Variants in GOLGA5 observed in about 807,000 individuals in gnomAD.
GOLGA5 encodes the protein golgin A5.
Under a neutral mutation model 93.5 loss-of-function variants are expected in GOLGA5, and 50 were observed. The observed-to-expected ratio is 0.53, with a 90% CI of 0.43 to 0.68. GOLGA5 has a LOEUF of 0.68. Among genes scored for constraint, GOLGA5 ranks in the 30% least tolerant of loss-of-function variants. The pLI is 0.00. For missense variants in GOLGA5, 760 were observed against 856.4 expected (o/e 0.89, Z 1.40); for synonymous variants, 312 against 304.5 (o/e 1.02, Z -0.26).
intron 9 of GOLGA5, among the ~76,000 whole-genome samples, chr14:92,832,572 A>T (rs140138409): frequency 3.2e-3 from 484 of 152,358 alleles, no homozygotes; most frequent in Middle Eastern, 0.014. Context: ...CATCTTCACT[A>T]ACAGATGAGG....
chr14:92,811,886 C>T (rs1566955509), intron 6 of GOLGA5, 132 bp downstream of exon 6: 1 of 669,154 alleles, frequency 1.5e-6, no homozygotes, highest in Non-Finnish European at 2.6e-6. Flanking sequence ...GTGCCTTACT[C>T]TACTTTAGAA....
chr14:92,811,383 C>G lies in GOLGA5; in HGVS notation c.1117-168C>G, dbSNP rs541147860. The stretch of plus-strand genomic sequence containing the variant: ...GCATTGCCATGTTTGGGAGTTACAA[C>G]TTTACATTTCCTATACTTTAGCTCC... On this transcript the variant is annotated intron_variant, in intron 5 of 12. Transcript: ENST00000163416. Among the ~76,000 whole-genome samples, 126 of 152,274 alleles carry G rather than the reference C, an allele frequency of 8.3e-4. 1 individual carries two copies. The highest frequency in any genetic ancestry group is 1.3e-3 in the Non-Finnish European group (90 of 68,020).
At chr14:92,814,458 G>A (rs1338773329) in intron 6 of GOLGA5, among the ~76,000 whole-genome samples, 1 of 152,120 alleles carries the variant, frequency 6.6e-6, no homozygotes, top group African/African-American at 2.4e-5. Context: ...TCTCAACAGA[G>A]AGTTCCGGGG....
intron 6 of GOLGA5, among the ~76,000 whole-genome samples, chr14:92,814,463 C>G (rs994369487): frequency 6.6e-6 from 1 of 151,922 alleles, no homozygotes; most frequent in African/African-American, 2.4e-5. Context: ...ACAGAGAGTT[C>G]CGGGGTGCGC....
chr14:92,821,231 T>C (rs1445028709), intron 8 of GOLGA5, among the ~76,000 whole-genome samples: 2 of 152,224 alleles, frequency 1.3e-5, no homozygotes, highest in Admixed American at 6.5e-5. Flanking sequence ...CAGTAAATAT[T>C]ATTTAATAAA....
intron 3 of GOLGA5, among the ~76,000 whole-genome samples, chr14:92,808,032 A>G (rs1000665102): frequency 3.3e-5 from 5 of 152,156 alleles, no homozygotes; most frequent in South Asian, 2.1e-4. Context: ...CAGGAGTTCA[A>G]GACCAGTCTG....
At position 92,794,452 on chromosome 14, in the gene GOLGA5, C is replaced by T. The variant is rs1884670516; in HGVS notation, c.-35C>T. The T allele has an allele frequency of 6.6e-6, 1 of 152,480 alleles. No individual in the cohort carries two copies. Among genetic ancestry groups the T allele is most frequent in the African/African-American group, 2.4e-5 (1 of 41,472 alleles). 9.4% of individuals were successfully genotyped at this position (152,480 alleles called of 1,614,324 possible). ...GCCGTAGTGCAGCCTCTCCGGAGTC[C>T]TCAGGTGAGGCGGAGGCGAGGGCCC... is the stretch of plus-strand genomic sequence containing the variant. On this transcript the variant is annotated 5_prime_UTR_variant, in exon 1 of 13. Coordinates refer to ENST00000163416, the MANE Select transcript of GOLGA5 (RefSeq NM_005113.4).
intron 3 of GOLGA5, among the ~76,000 whole-genome samples, chr14:92,808,887 A>G (rs534388499): frequency 6.6e-6 from 1 of 152,306 alleles, no homozygotes; most frequent in South Asian, 2.1e-4. Context: ...TTTTTGCAAC[A>G]GTAATTGAAA....
chr14:92,824,579 A>T lies in GOLGA5; in HGVS notation c.1654A>T (p.Thr552Ser), dbSNP rs751830866. 1.9e-6 allele frequency: 3 copies of T among 1,605,272 alleles called. No homozygotes were observed. The highest frequency in any genetic ancestry group is 4.5e-5 in the East Asian group (2 of 44,622). The stretch of plus-strand genomic sequence containing the variant: ...CTATATAGAAGAAGATCTTTATCGA[A>T]CAAAGAACACATTGCAAAGCAGAAT... ...FHYIEEDLYRTKNTLQSRIKD... is the reference protein window; with the variant it reads ...FHYIEEDLYRSKNTLQSRIKD... The change falls in exon 9 of 13, where the codon ACA (threonine) becomes TCA (serine). Residue 552 changes from threonine to serine, a missense_variant. Physicochemically the swap from Thr to Ser is moderately conservative, Grantham distance 58 (BLOSUM62 1). Transcript: ENST00000163416.
chr14:92,798,936 A>T (rs573313408), intron 2 of GOLGA5, among the ~76,000 whole-genome samples: 1 of 152,252 alleles, frequency 6.6e-6, no homozygotes, highest in African/African-American at 2.4e-5. Context: ...AATAGAAAAA[A>T]GGCAAAAAAC....
At chr14:92,801,397 A>G (rs1884866962) in intron 2 of GOLGA5, among the ~76,000 whole-genome samples, 1 of 152,236 alleles carries the variant, frequency 6.6e-6, no homozygotes, top group Non-Finnish European at 1.5e-5. Context: ...AGTGTGGTTG[A>G]AGATCTTTTC....
chr14:92,819,829 T>G lies in GOLGA5; in HGVS notation c.1613T>G (p.Leu538Arg). 12 of 1,613,884 alleles carry G rather than the reference T, an allele frequency of 7.4e-6. No homozygotes were observed. Among genetic ancestry groups the G allele is most frequent in the Non-Finnish European group, 9.3e-6 (11 of 1,179,872 alleles). The change falls in exon 8 of 13, where the codon CTG (leucine) becomes CGG (arginine). Residue 538 changes from leucine to arginine, a missense_variant. By Grantham distance (102) the Leu-to-Arg change is moderately radical. Coordinates refer to ENST00000163416, the MANE Select transcript of GOLGA5 (RefSeq NM_005113.4). ...KQELETELER[L>R]KQEFHYIEED... is the part of the protein sequence containing the mutation. ...GAACTAGAGACAGAACTGGAGCGAC[T>G]GAAGCAGGTCAGGATTTGAGATTGA...
intron 2 of GOLGA5, 109 bp downstream of exon 2, chr14:92,798,090 G>GT: frequency 2.7e-6 from 2 of 746,254 alleles, no homozygotes; most frequent in Non-Finnish European, 2.2e-6. Flanking sequence ...CTCCACTGGT[G>GT]TAAGGGCAGA....
intron 12 of GOLGA5, among the ~76,000 whole-genome samples, chr14:92,838,566 A>G (rs1041564721): frequency 5.3e-5 from 8 of 152,164 alleles, no homozygotes; most frequent in South Asian, 2.1e-4. Flanking sequence ...GGTTTTCACT[A>G]TGTTGGCCAA....
chr14:92,802,207 ATTG>A (rs1230125404), intron 2 of GOLGA5, among the ~76,000 whole-genome samples: 1 of 152,054 alleles, frequency 6.6e-6, no homozygotes, highest in East Asian at 1.9e-4. Flanking sequence ...TTAAAATTTT[ATTG>A]TTTTCTCCAT....
At chr14:92,815,058 T>A (rs368994853) in intron 6 of GOLGA5, among the ~76,000 whole-genome samples, 3 of 152,328 alleles carry the variant, frequency 2.0e-5, no homozygotes, top group East Asian at 3.9e-4. Context: ...GCATCTCTAG[T>A]CATGTCACTC....
intron 3 of GOLGA5, among the ~76,000 whole-genome samples, 161 bp downstream of exon 3, chr14:92,807,124 A>AC (rs1175849943): frequency 2.6e-5 from 4 of 152,246 alleles, no homozygotes; most frequent in South Asian, 4.1e-4. Flanking sequence ...ACATGGTGAA[A>AC]CCCTGTGTCT....
intron 4 of GOLGA5, among the ~76,000 whole-genome samples, chr14:92,809,816 G>A (rs1276349740): frequency 2.6e-5 from 4 of 152,190 alleles, no homozygotes; most frequent in Middle Eastern, 3.4e-3. Context: ...AAAATTAGCC[G>A]GGGGTGGTGG....
chr14:92,836,430 T>TC (rs1351059871), intron 11 of GOLGA5, among the ~76,000 whole-genome samples: 5 of 152,192 alleles, frequency 3.3e-5, no homozygotes, highest in Non-Finnish European at 5.9e-5. Flanking sequence ...CACATCTAGT[T>TC]CAACTATTCA....
Sources: gnomAD v4.1 joint callset for allele counts (sites outside exome capture counted in the v4.1 genomes callset) on GRCh38, gnomAD v4.1.1 for gene constraint, MANE v1.5 for transcripts, NCBI Gene and HGNC (gene_info 2026-07-23, HGNC 2026-07-21) for gene names.